The following TRIO variants were observed in gnomAD, a reference collection of about 807,000 sequenced individuals.
TRIO encodes triple functional domain protein.
Under a neutral mutation model 351.9 loss-of-function variants are expected in TRIO, and 58 were observed. That is an observed-to-expected ratio of 0.16 (90% CI 0.13 to 0.21). The LOEUF (loss-of-function observed/expected upper bound fraction) is 0.21. Among genes scored for constraint, TRIO ranks in the 10% least tolerant of loss-of-function variants. The probability of loss-of-function intolerance (pLI) is 1.00; values close to 1 mark genes in which losing one functional copy is unlikely to be tolerated. For missense variants in TRIO, 3,201 were observed against 4,027.8 expected (o/e 0.79, Z 5.56); for synonymous variants, 1,758 against 1,595.7 (o/e 1.10, Z -2.42).
At chr5:14,493,068 A>G (rs1756608433) in intron 49 of TRIO, among the ~76,000 whole-genome samples, 1 of 152,120 alleles carries the variant, frequency 6.6e-6, no homozygotes, top group African/African-American at 2.4e-5. Context: ...CCCATTTGAC[A>G]TTTTTGTGTT....
At chr5:14,460,275 C>T (rs1169881500) in intron 34 of TRIO, among the ~76,000 whole-genome samples, 1 of 152,100 alleles carries the variant, frequency 6.6e-6, no homozygotes, top group Non-Finnish European at 1.5e-5. Flanking sequence ...ATATTTACTT[C>T]AGCACATGTG....
At chr5:14,494,816 T>A (rs924442597) in intron 49 of TRIO, among the ~76,000 whole-genome samples, 1 of 152,206 alleles carries the variant, frequency 6.6e-6, no homozygotes, top group East Asian at 1.9e-4. Context: ...GGAGAATTGC[T>A]TGAACCCTGG....
intron 9 of TRIO, among the ~76,000 whole-genome samples, chr5:14,324,502 T>A (rs959736727): frequency 5.3e-5 from 8 of 152,340 alleles, no homozygotes; most frequent in Non-Finnish European, 7.3e-5. Flanking sequence ...GCTTAGTATG[T>A]TCTTGGTTGC....
intron 46 of TRIO, 38 bp from the exon 47 acceptor site, chr5:14,485,031 C>T (rs574998745): frequency 2.0e-6 from 3 of 1,496,874 alleles, no homozygotes; most frequent in African/African-American, 2.8e-5. Flanking sequence ...TCCTTTCCAC[C>T]TGTTAGCTAT....
At position 14,487,710 on chromosome 5, in the gene TRIO, C is replaced by A; in HGVS notation, c.7082C>A (p.Ala2361Glu). The change falls in exon 48 of 57, where the codon GCA becomes GAA. Residue 2361 changes from alanine (A) to glutamate (E), a missense_variant. Coordinates refer to ENST00000344204, the MANE Select transcript of TRIO (RefSeq NM_007118.4). ...VLVSSAASSQ[A>E]EADKMSGTST... ...GTCTCCTCTGCAGCCTCGAGCCAGG[C>A]AGAGGCAGACAAGATGTCAGGTACG... 2 of 1,442,490 alleles carry A rather than the reference C, an allele frequency of 1.4e-6. No homozygotes were observed. 89.4% of individuals were successfully genotyped at this position (1,442,490 alleles called of 1,614,324 possible).
chr5:14,341,036 G>GT (rs1434408003), intron 11 of TRIO, among the ~76,000 whole-genome samples: 4 of 152,098 alleles, frequency 2.6e-5, no homozygotes, highest in Non-Finnish European at 2.9e-5. Context: ...TTTTTGTTTT[G>GT]TTTTTTAAGT....
At chr5:14,410,379 A>G (rs2152383430) in intron 33 of TRIO, among the ~76,000 whole-genome samples, 1 of 152,312 alleles carries the variant, frequency 6.6e-6, no homozygotes, top group Middle Eastern at 3.4e-3. Flanking sequence ...TCAAGAACAC[A>G]TTTTGAAAAT....
At chr5:14,316,424 G>A in intron 8 of TRIO, 89 bp from the exon 9 acceptor site, 1 of 1,332,374 alleles carries the variant, frequency 7.5e-7, no homozygotes, top group Non-Finnish European at 1.1e-6. Flanking sequence ...GCCTGTATGT[G>A]CACACACATG....
chr5:14,242,741 C>A (rs1236756454), intron 1 of TRIO, among the ~76,000 whole-genome samples: 1 of 152,170 alleles, frequency 6.6e-6, no homozygotes, highest in Non-Finnish European at 1.5e-5. Context: ...CCTGCCTAAT[C>A]TTTTAAAACA....
At chr5:14,346,685 A>AG (rs1742447423) in intron 11 of TRIO, among the ~76,000 whole-genome samples, 4 of 152,248 alleles carry the variant, frequency 2.6e-5, no homozygotes, top group Admixed American at 2.6e-4. Flanking sequence ...TTCTGGCTTG[A>AG]GGAAGGACAT....
chr5:14,380,455 A>G (rs572013699), intron 20 of TRIO, among the ~76,000 whole-genome samples: 77 of 152,136 alleles, frequency 5.1e-4, no homozygotes, highest in Middle Eastern at 3.4e-3. Context: ...TGCCCTGGCC[A>G]TGTCCCCTTG....
At chr5:14,287,255 T>C (rs1201478892) in intron 4 of TRIO, among the ~76,000 whole-genome samples, 192 bp downstream of exon 4, 1 of 152,258 alleles carries the variant, frequency 6.6e-6, no homozygotes, top group Non-Finnish European at 1.5e-5. Context: ...GTGGATTGTT[T>C]TACCCACATG....
chr5:14,404,353 T>G (rs1355094417), intron 31 of TRIO, among the ~76,000 whole-genome samples: 1 of 152,112 alleles, frequency 6.6e-6, no homozygotes, highest in Non-Finnish European at 1.5e-5. Context: ...GTACTTTACC[T>G]CAGTTACCTT....
chr5:14,486,595 ATT>A (rs1384124135), intron 47 of TRIO, among the ~76,000 whole-genome samples: 4 of 152,100 alleles, frequency 2.6e-5, no homozygotes, highest in African/African-American at 9.7e-5. Flanking sequence ...AATTTTCATC[ATT>A]GTCTTTAAAA....
chr5:14,487,918 AGACGCCCCCGCCAAG>A lies in TRIO; in HGVS notation c.7296_7310del (p.Pro2433_Ala2437del). The A allele has an allele frequency of 6.5e-7, 1 of 1,539,106 alleles. No homozygotes were observed. On this transcript the variant is annotated inframe_deletion, in exon 48 of 57. Coordinates refer to ENST00000344204, the MANE Select transcript of TRIO (RefSeq NM_007118.4). Reference sequence around the variant, plus strand: ...CCGCGAACGCCTCGGGGTCGAGCCCAGACGCCCCCGCCAAGGACGCGCGCGCTAGCCTGGGCACCC... The same window carrying A: ...CCGCGAACGCCTCGGGGTCGAGCCCAGACGCGCGCGCTAGCCTGGGCACCC...
chr5:14,282,334 G>A (rs896071695), intron 3 of TRIO, among the ~76,000 whole-genome samples: 1 of 151,578 alleles, frequency 6.6e-6, no homozygotes, highest in African/African-American at 2.4e-5. Context: ...CAAAGGGCAG[G>A]GTTAAAAAAA....
intron 2 of TRIO, among the ~76,000 whole-genome samples, chr5:14,276,752 A>C (rs1008258600): frequency 2.0e-5 from 3 of 152,244 alleles, no homozygotes; most frequent in Non-Finnish European, 4.4e-5. Context: ...TTCTTTCTAA[A>C]TAAGTGAAAG....
chr5:14,414,160 TC>T (rs1399764690), intron 33 of TRIO, among the ~76,000 whole-genome samples: 1 of 152,230 alleles, frequency 6.6e-6, no homozygotes, highest in East Asian at 1.9e-4. Context: ...GTTTGCCTCT[TC>T]CCCGCCCTCG....
Position 14,508,676 on chromosome 5 carries a change from G to T in TRIO, c.*254G>T. 1 of 393,516 alleles carries T rather than the reference G, an allele frequency of 2.5e-6. No individual in the cohort carries two copies. The allele number at this position is 393,516 out of a possible 1,614,324, so 24.4% of individuals were successfully genotyped here. On this transcript the variant is annotated 3_prime_UTR_variant, in exon 57 of 57. Transcript: ENST00000344204. ...ATCACAGTATTTTATTCAGGTTTCT[G>T]CAAAAAAATAAAAAGATAACTTTTT...
Sources: gnomAD v4.1 joint callset for allele counts (sites outside exome capture counted in the v4.1 genomes callset) on GRCh38, gnomAD v4.1.1 for gene constraint, MANE v1.5 for transcripts, NCBI Gene and HGNC (gene_info 2026-07-23, HGNC 2026-07-21) for gene names.